The following CRYL1 variants were observed in gnomAD, a reference collection of about 807,000 sequenced individuals.
CRYL1 encodes the protein lambda-crystallin homolog.
In CRYL1, 29 loss-of-function variants were observed where a neutral mutation model predicts 36.6. The ratio of observed to expected loss-of-function variants is 0.79; its 90% CI spans 0.59 to 1.08. The LOEUF is 1.08. CRYL1 is among the 50% of genes least tolerant of loss of function. The probability of loss-of-function intolerance (pLI) is 0.00; values close to 1 mark genes in which losing one functional copy is unlikely to be tolerated. For synonymous variants in CRYL1, 152 were observed against 151.5 expected (o/e 1.00, Z -0.02); for missense variants, 411 against 407.9 (o/e 1.01, Z -0.06).
intron 2 of CRYL1, among the ~76,000 whole-genome samples, chr13:20,492,312 AT>A (rs1466706640): frequency 1.3e-5 from 2 of 152,250 alleles, no homozygotes; most frequent in African/African-American, 4.8e-5. Context: ...ATTGTATGAC[AT>A]GTAAATTTAT....
At position 20,491,581 on chromosome 13, in the gene CRYL1, G is replaced by A. The variant is rs138292405; in HGVS notation, c.150-2085C>T. Among the ~76,000 whole-genome samples, 830 of 152,216 alleles carry A rather than the reference G, an allele frequency of 5.5e-3. 7 individuals carry two copies. The highest frequency in any genetic ancestry group is 0.019 in the African/African-American group (790 of 41,554). ...CAAGGCAGGCGGGTCACTTGAGGAC[G>A]GGAGTTTGAGACCAGCCTGGGCAAC... On this transcript the variant is annotated intron_variant, in intron 2 of 7. Transcript: ENST00000298248.
rs965538849 is a variant in CRYL1, at chr13:20,432,131, T to C, written c.604A>G (p.Ile202Val). Reference protein sequence around the residue: ...GFVLNRLQYAIISEAWRLVEE... With the variant: ...GFVLNRLQYAVISEAWRLVEE... ...ACTAGCCGCCAGGCCTCGCTGATGA[T>C]TGCATATTGCAGGCGGTTCAGAACG... Residue 202 changes from isoleucine (I) to valine (V), a missense_variant, in exon 5 of 8, where the codon ATC becomes GTC. Physicochemically the swap from Ile to Val is conservative, Grantham distance 29. Transcript: ENST00000298248. The C allele has an allele frequency of 6.2e-6, 10 of 1,614,022 alleles. No individual in the cohort carries two copies. The highest frequency in any genetic ancestry group is 1.6e-4 in the Middle Eastern group (1 of 6,084).
At chr13:20,429,156 C>T (rs1246820162) in intron 5 of CRYL1, among the ~76,000 whole-genome samples, 2 of 152,212 alleles carry the variant, frequency 1.3e-5, no homozygotes, top group Non-Finnish European at 2.9e-5. Flanking sequence ...TGAGGAGAAG[C>T]TCTGCAAGGC....
At chr13:20,433,042 C>G (rs551696306) in intron 4 of CRYL1, among the ~76,000 whole-genome samples, 61 of 152,178 alleles carry the variant, frequency 4.0e-4, no homozygotes, top group African/African-American at 1.5e-3. Context: ...CAGTGTCTTC[C>G]CAAAACCTGG....
chr13:20,488,858 C>T (rs962754256), intron 3 of CRYL1, among the ~76,000 whole-genome samples: 1 of 152,236 alleles, frequency 6.6e-6, no homozygotes, highest in Admixed American at 6.5e-5. Context: ...CTGCAGGGAC[C>T]ACTCACCTCT....
intron 2 of CRYL1, among the ~76,000 whole-genome samples, chr13:20,494,980 G>C (rs1338116737): frequency 6.6e-6 from 1 of 152,226 alleles, no homozygotes; most frequent in Admixed American, 6.5e-5. Flanking sequence ...GTGGTCCCGA[G>C]GGACGTCCAG....
chr13:20,521,131 AAAGAAAGAAGGAAGAAAGG>A (rs1289289246), intron 1 of CRYL1, among the ~76,000 whole-genome samples: 94 of 33,076 alleles, frequency 2.8e-3, no homozygotes, highest in Non-Finnish European at 0.013. Flanking sequence ...AAAAGGAAAG[AAAGAAAGAAGGAAGAAAGG>A]AAGGAAGGAA....
At chr13:20,487,874 A>G (rs897799536) in intron 3 of CRYL1, among the ~76,000 whole-genome samples, 5 of 152,144 alleles carry the variant, frequency 3.3e-5, no homozygotes, top group Admixed American at 6.5e-5. Flanking sequence ...GGCCAAGGCC[A>G]GCGGATCACT....
chr13:20,482,642 T>C (rs1398922874), intron 3 of CRYL1, among the ~76,000 whole-genome samples: 1 of 152,204 alleles, frequency 6.6e-6, no homozygotes, highest in Non-Finnish European at 1.5e-5. Context: ...AACAATCCAC[T>C]GGGGAAAACC....
At chr13:20,411,647 CA>C (rs1390483790) in intron 6 of CRYL1, among the ~76,000 whole-genome samples, 1 of 152,174 alleles carries the variant, frequency 6.6e-6, no homozygotes, top group Non-Finnish European at 1.5e-5. Flanking sequence ...TGGTTGAAAA[CA>C]CCATTTGAAA....
intron 2 of CRYL1, among the ~76,000 whole-genome samples, chr13:20,499,605 T>C (rs2033669703): frequency 6.6e-6 from 1 of 151,882 alleles, no homozygotes. Flanking sequence ...TGAGCCGAGA[T>C]CATGCCACTG....
At chr13:20,414,822 C>G (rs2031615160) in intron 5 of CRYL1, among the ~76,000 whole-genome samples, 1 of 152,226 alleles carries the variant, frequency 6.6e-6, no homozygotes, top group Admixed American at 6.5e-5. Flanking sequence ...TGAGGTCCCT[C>G]CCGTCAGAGG....
chr13:20,486,803 C>T (rs9509242), intron 3 of CRYL1, among the ~76,000 whole-genome samples: 44,250 of 151,924 alleles, frequency 0.29, 6,669 homozygotes, highest in African/African-American at 0.37. Flanking sequence ...ATGTACAGAA[C>T]GCCATATACT....
At chr13:20,469,292 CAACAGTCCTTTATA>C (rs538463991) in intron 3 of CRYL1, among the ~76,000 whole-genome samples, 255 of 152,322 alleles carry the variant, frequency 1.7e-3, no homozygotes, top group African/African-American at 5.7e-3. Context: ...AACCTAGGCT[CAACAGTCCTTTATA>C]AACACAAATT....
chr13:20,510,424 T>C (rs2033892058), intron 2 of CRYL1, among the ~76,000 whole-genome samples: 1 of 152,166 alleles, frequency 6.6e-6, no homozygotes, highest in Non-Finnish European at 1.5e-5. Context: ...TTCAATTATA[T>C]AACATTCTGG....
chr13:20,520,715 C>T (rs576232662), intron 1 of CRYL1, among the ~76,000 whole-genome samples: 5 of 152,272 alleles, frequency 3.3e-5, no homozygotes, highest in Non-Finnish European at 7.4e-5. Flanking sequence ...GGATTGGACA[C>T]CTGACCCAAA....
At chr13:20,507,753 C>G (rs1161897905) in intron 2 of CRYL1, among the ~76,000 whole-genome samples, 2 of 151,804 alleles carry the variant, frequency 1.3e-5, no homozygotes, top group East Asian at 3.9e-4. Flanking sequence ...CCCGTCTCTA[C>G]TAAAAATATA....
chr13:20,525,823 C>A lies in CRYL1; in HGVS notation c.-29G>T. On this transcript the variant is annotated 5_prime_UTR_variant, in exon 1 of 8. Coordinates refer to ENST00000298248, the MANE Select transcript of CRYL1 (RefSeq NM_015974.3). This position sits in a 1 kb window ranked among gnomAD's most constrained non-coding sequence, Gnocchi z 4.3. The stretch of plus-strand genomic sequence containing the variant: ...TGGGCCGGGGACGCGGCGCCGCGGG[C>A]GCTGGGACCAGGCGCCGGCGGAGCT... 2.4e-6 allele frequency: 3 copies of A among 1,225,330 alleles called. No homozygotes were observed. Among genetic ancestry groups the A allele is most frequent in the East Asian group, 6.6e-5 (2 of 30,116 alleles). The allele number at this position is 1,225,330 out of a possible 1,614,324, so 75.9% of individuals were successfully genotyped here. A position where few individuals can be genotyped will look rare whatever the true frequency, so the allele number is the denominator to read the frequency against.
Position 20,439,715 on chromosome 13 carries a change from A to C in CRYL1, c.316T>G (p.Phe106Val). The change falls in exon 4 of 8, where the codon TTT becomes GTT. Residue 106 changes from phenylalanine (F) to valine (V), a missense_variant. Physicochemically the swap from Phe to Val is conservative, Grantham distance 50 (BLOSUM62 -1). Coordinates refer to ENST00000298248, the MANE Select transcript of CRYL1 (RefSeq NM_015974.3). ...TCAATGATGGAATCTAACTGAGCAA[A>C]AATCTTCTTCTTCAGTTCTAGATCT... ...PEDLELKKKI[F>V]AQLDSIIDDR... 1 of 1,614,074 alleles carries C rather than the reference A, an allele frequency of 6.2e-7. No homozygotes were observed. Among genetic ancestry groups the C allele is most frequent in the South Asian group, 1.1e-5 (1 of 91,076 alleles).
Sources: gnomAD v4.1 joint callset for allele counts (sites outside exome capture counted in the v4.1 genomes callset) on GRCh38, gnomAD v4.1.1 for gene constraint, Gnocchi (gnomAD v3.1) non-coding constraint, MANE v1.5 for transcripts, NCBI Gene and HGNC (gene_info 2026-07-23, HGNC 2026-07-21) for gene names.